Variants in ESCO2 observed in about 807,000 individuals in gnomAD.
ESCO2 encodes N-acetyltransferase ESCO2.
ESCO2 carries 51 observed loss-of-function variants against 61.7 expected under a neutral mutation model. The ratio of observed to expected loss-of-function variants is 0.83; its 90% CI spans 0.66 to 1.04. The LOEUF (loss-of-function observed/expected upper bound fraction) is 1.04. Among genes scored for constraint, ESCO2 ranks in the 50% least tolerant of loss-of-function variants. The pLI is 0.00. For synonymous variants in ESCO2, 230 were observed against 238.2 expected (o/e 0.97, Z 0.32); for missense variants, 692 against 686.2 (o/e 1.01, Z -0.09).
rs776760437 is a variant in ESCO2, at chr8:27,803,554, A to ACT, written c.*117_*118insTC. The ACT allele has an allele frequency of 1.0e-5, 15 of 1,472,284 alleles. No individual in the cohort carries two copies. Among genetic ancestry groups the ACT allele is most frequent in the African/African-American group, 2.9e-5 (2 of 69,936 alleles). The allele number at this position is 1,472,284 out of a possible 1,614,324, so 91.2% of individuals were successfully genotyped here. ...AATACCGAGACTCACACTCATACACACACACACACACACGCACACACACAT... is the reference window on the plus strand; with the variant it reads ...AATACCGAGACTCACACTCATACACACTCACACACACACACGCACACACACAT... On this transcript the variant is annotated 3_prime_UTR_variant, in exon 11 of 11. Transcript: ENST00000305188.
intron 2 of ESCO2, among the ~76,000 whole-genome samples, 153 bp downstream of exon 2, chr8:27,775,720 G>C (rs75977974): frequency 6.6e-6 from 1 of 152,144 alleles, no homozygotes; most frequent in Non-Finnish European, 1.5e-5. Context: ...TTCTAGCTTG[G>C]AAATACATTA....
Position 27,804,742 on chromosome 8 carries a change from C to T in ESCO2, c.*1304C>T. The stretch of plus-strand genomic sequence containing the variant: ...TCCAAAATTTAAAAGCCTGGGTCCC[C>T]AAAAGAATGTGGAAGTATTAAAATG... On this transcript the variant is annotated 3_prime_UTR_variant, in exon 11 of 11. Coordinates refer to ENST00000305188, the MANE Select transcript of ESCO2 (RefSeq NM_001017420.3). 1 of 984,480 alleles carries T rather than the reference C, an allele frequency of 1.0e-6. No individual in the cohort carries two copies. Among genetic ancestry groups the T allele is most frequent in the Non-Finnish European group, 1.2e-6 (1 of 829,186 alleles). The allele number at this position is 984,480 out of a possible 1,614,324, so 61.0% of individuals were successfully genotyped here. A position where few individuals can be genotyped will look rare whatever the true frequency, so the allele number is the denominator to read the frequency against.
downstream of ESCO2, chr8:27,809,599 TATAAA>T (rs1805628123): frequency 6.7e-6 from 1 of 148,526 alleles, no homozygotes; most frequent in South Asian, 2.1e-4. Flanking sequence ...ATCAATGAAG[TATAAA>T]ATAATGCTGA....
downstream of ESCO2, chr8:27,812,722 CTCA>C (rs1254584997): frequency 2.0e-5 from 3 of 151,770 alleles, no homozygotes; most frequent in South Asian, 2.1e-4. Context: ...TGAAAAAATG[CTCA>C]TCATCACTGG....
Position 27,777,013 on chromosome 8 carries a change from G to C in ESCO2, c.705G>C (p.Lys235Asn), listed in dbSNP as rs935024757. 3 of 1,612,138 alleles carry C rather than the reference G, an allele frequency of 1.9e-6. No homozygotes were observed. Among genetic ancestry groups the C allele is most frequent in the Non-Finnish European group, 2.5e-6 (3 of 1,179,596 alleles). ...AGCCGTCACTGGGACGCACCCAAAAGAGTAAATCAGAAGTCATTGAAGATT... is the reference window on the plus strand; with the variant it reads ...AGCCGTCACTGGGACGCACCCAAAACAGTAAATCAGAAGTCATTGAAGATT... ...ENEPSLGRTQ[K>N]SKSEVIEDSD... Residue 235 changes from lysine (K) to asparagine (N), a missense_variant, in exon 3 of 11, where the codon AAG becomes AAC. Lys to Asn is a moderately conservative substitution (Grantham distance 94). Transcript: ENST00000305188.
intron 10 of ESCO2, among the ~76,000 whole-genome samples, chr8:27,800,161 C>G (rs549889092): frequency 1.3e-5 from 2 of 152,170 alleles, no homozygotes; most frequent in African/African-American, 2.4e-5. Context: ...ATAATGAAGA[C>G]TTGGTATAAC....
chr8:27,814,760 G>T (rs879715015), downstream of ESCO2, among the ~76,000 whole-genome samples: 3 of 151,952 alleles, frequency 2.0e-5, no homozygotes, highest in African/African-American at 7.2e-5. Flanking sequence ...TGACCCATAG[G>T]TTATTTAAAT....
Position 27,804,306 on chromosome 8 carries a change from A to T in ESCO2, c.*868A>T, listed in dbSNP as rs2128959413. ...GTTGTATGGAAATATTGGTAGTACT[A>T]CTTTGGGAACCTGTTACTGACAATT... On this transcript the variant is annotated 3_prime_UTR_variant, in exon 11 of 11. Coordinates refer to ENST00000305188, the MANE Select transcript of ESCO2 (RefSeq NM_001017420.3). The T allele has an allele frequency of 3.0e-6, 3 of 985,436 alleles. No individual in the cohort carries two copies. The highest frequency in any genetic ancestry group is 1.0e-3 in the Middle Eastern group (2 of 1,914). The allele number at this position is 985,436 out of a possible 1,614,324, so 61.0% of individuals were successfully genotyped here.
chr8:27,803,612 C>A lies in ESCO2; in HGVS notation c.*174C>A. 1 of 1,376,080 alleles carries A rather than the reference C, an allele frequency of 7.3e-7. No individual in the cohort carries two copies. Among genetic ancestry groups the A allele is most frequent in the South Asian group, 1.8e-5 (1 of 54,730 alleles). 85.2% of individuals were successfully genotyped at this position (1,376,080 alleles called of 1,614,324 possible). ...TTTTGTTCCTTATGAGTTGAAAAGT[C>A]AGGAATAAATTTGTTGAAAATTATC... On this transcript the variant is annotated 3_prime_UTR_variant, in exon 11 of 11. Transcript: ENST00000305188.
At position 27,804,135 on chromosome 8, in the gene ESCO2, G is replaced by A; in HGVS notation, c.*697G>A. The stretch of plus-strand genomic sequence containing the variant: ...TTTAGAATTTATTTGTAACAAGATG[G>A]TAAGGAATAAGATTATCCCATATGC... On this transcript the variant is annotated 3_prime_UTR_variant, in exon 11 of 11. Transcript: ENST00000305188. 1 of 985,250 alleles carries A rather than the reference G, an allele frequency of 1.0e-6. No homozygotes were observed. Among genetic ancestry groups the A allele is most frequent in the Non-Finnish European group, 1.2e-6 (1 of 829,804 alleles). The allele number at this position is 985,250 out of a possible 1,614,324, so 61.0% of individuals were successfully genotyped here. A position where few individuals can be genotyped will look rare whatever the true frequency, so the allele number is the denominator to read the frequency against.
downstream of ESCO2, among the ~76,000 whole-genome samples, chr8:27,807,450 T>TC (rs1207182839): frequency 6.6e-6 from 1 of 152,164 alleles, no homozygotes; most frequent in East Asian, 1.9e-4. Flanking sequence ...CTGAACTAAA[T>TC]AAACCAAACC....
At chr8:27,790,627 A>C (rs1335838205) in intron 7 of ESCO2, among the ~76,000 whole-genome samples, 1 of 152,184 alleles carries the variant, frequency 6.6e-6, no homozygotes, top group African/African-American at 2.4e-5. Flanking sequence ...TCTCAGTCCC[A>C]AAATTAGTAA....
chr8:27,792,593 C>T, intron 8 of ESCO2, 75 bp from the exon 9 acceptor site: 1 of 1,406,794 alleles, frequency 7.1e-7, no homozygotes. Context: ...ATCATACATT[C>T]TGTGTATATA....
intron 3 of ESCO2, chr8:27,777,911 A>T (rs1171061305): frequency 6.6e-6 from 1 of 152,112 alleles, no homozygotes; most frequent in Non-Finnish European, 1.5e-5. Flanking sequence ...ACCTCTCATC[A>T]TTGCCTTCCT....
At position 27,787,874 on chromosome 8, in the gene ESCO2, T is replaced by C. The variant is rs2128954800; in HGVS notation, c.1014-11T>C. ...ATTGTAAATTTATATATATCAACTT[T>C]CTGTGTCAAGATCTTTAGGTGAAGA... On this transcript the variant is annotated splice_polypyrimidine_tract_variant and intron_variant, in intron 5 of 10. Transcript: ENST00000305188. 1.3e-6 allele frequency: 2 copies of C among 1,591,150 alleles called. No individual in the cohort carries two copies. The highest frequency in any genetic ancestry group is 8.6e-7 in the Non-Finnish European group (1 of 1,159,732).
chr8:27,788,029 C>G, intron 6 of ESCO2, 27 bp downstream of exon 6: 2 of 1,526,692 alleles, frequency 1.3e-6, no homozygotes, highest in Non-Finnish European at 1.8e-6. Context: ...CAAAGCTTCT[C>G]CTATCTAGCC....
chr8:27,798,851 A>G (rs1805360607), intron 9 of ESCO2, among the ~76,000 whole-genome samples: 1 of 152,200 alleles, frequency 6.6e-6, no homozygotes, highest in Non-Finnish European at 1.5e-5. Context: ...GGTGGTTGTC[A>G]GGGACTGAGG....
upstream of ESCO2, among the ~76,000 whole-genome samples, chr8:27,773,229 T>C (rs937286707): frequency 6.6e-5 from 10 of 152,190 alleles, no homozygotes; most frequent in African/African-American, 2.4e-4. Flanking sequence ...TGAAACTACC[T>C]GCTTCTGCCA....
At chr8:27,789,865 A>G (rs558283646) in intron 7 of ESCO2, among the ~76,000 whole-genome samples, 1 of 152,138 alleles carries the variant, frequency 6.6e-6, no homozygotes, top group Non-Finnish European at 1.5e-5. Context: ...TCCCACCAGA[A>G]GTTTGGTGCT....
Sources: gnomAD v4.1 joint callset for allele counts (sites outside exome capture counted in the v4.1 genomes callset) on GRCh38, gnomAD v4.1.1 for gene constraint, MANE v1.5 for transcripts, NCBI Gene and HGNC (gene_info 2026-07-23, HGNC 2026-07-21) for gene names.